NBAS: variants seen among roughly 807,000 people sequenced by gnomAD.
NBAS encodes the protein NAG/BC035112 fusion.
In NBAS, 219 loss-of-function variants were observed where a neutral mutation model predicts 302.5. The observed-to-expected ratio is 0.72, with a 90% CI of 0.65 to 0.81. NBAS has a LOEUF of 0.81. NBAS is among the 30% of genes least tolerant of loss of function. NBAS has a pLI of 0.00. For synonymous variants in NBAS, 1,118 were observed against 1,021.6 expected (o/e 1.09, Z -1.80); for missense variants, 2,932 against 2,841.6 (o/e 1.03, Z -0.72).
At chr2:15,106,529 G>A in the NBAS span, among the ~76,000 whole-genome samples, 1 of 150,954 alleles carries the variant, frequency 6.6e-6, no homozygotes, top group African/African-American at 2.4e-5. Context: ...ACCTGTCAAA[G>A]TTGTATTCAT....
At chr2:15,528,470 TTA>T (rs1242766249) in intron 9 of NBAS, among the ~76,000 whole-genome samples, 8 of 145,256 alleles carry the variant, frequency 5.5e-5, no homozygotes, top group Admixed American at 1.4e-4. Context: ...TTTTTATATA[TTA>T]TATATGTTTA....
At chr2:15,198,667 A>G (rs918958154) in intron 48 of NBAS, among the ~76,000 whole-genome samples, 2 of 152,214 alleles carry the variant, frequency 1.3e-5, no homozygotes, top group African/African-American at 2.4e-5. Context: ...AGTTTTAGCT[A>G]TAATTAAATC....
At position 15,419,356 on chromosome 2, in the gene NBAS, TGTGTAGA is replaced by T. The variant is rs1182317856; in HGVS notation, c.2578-1651_2578-1645del. ...ATATATGTGTGTGTGTGTGTGTGTG[TGTGTAGA>T]AGAATACATTTATTAAAAGTAAAAA... On this transcript the variant is annotated intron_variant, in intron 23 of 51. Coordinates refer to ENST00000281513, the MANE Select transcript of NBAS (RefSeq NM_015909.4). Among the ~76,000 whole-genome samples, 27 of 123,330 alleles carry T rather than the reference TGTGTAGA, an allele frequency of 2.2e-4. 1 individual carries two copies. The highest frequency in any genetic ancestry group is 1.8e-3 in the South Asian group (7 of 3,822). 80.9% of individuals were successfully genotyped at this position (123,330 alleles called of 152,430 possible). A position where few individuals can be genotyped will look rare whatever the true frequency, so the allele number is the denominator to read the frequency against.
At chr2:14,862,644 T>G in the NBAS span, among the ~76,000 whole-genome samples, 1 of 152,222 alleles carries the variant, frequency 6.6e-6, no homozygotes, top group Non-Finnish European at 1.5e-5. Context: ...TTAAATAAGA[T>G]AGCACATGTA....
the NBAS span, among the ~76,000 whole-genome samples, chr2:15,102,791 A>G: frequency 2.0e-5 from 3 of 152,294 alleles, no homozygotes; most frequent in South Asian, 2.1e-4. Context: ...ACTAATTAGT[A>G]TCTTCATATC....
chr2:14,992,172 CT>C, the NBAS span, among the ~76,000 whole-genome samples: 2 of 152,186 alleles, frequency 1.3e-5, no homozygotes, highest in Non-Finnish European at 2.9e-5. Flanking sequence ...GCTCTAAAAA[CT>C]GTAAATCATT....
At chr2:15,074,059 T>C in the NBAS span, among the ~76,000 whole-genome samples, 1 of 152,146 alleles carries the variant, frequency 6.6e-6, no homozygotes, top group Non-Finnish European at 1.5e-5. Context: ...TATGAAAATA[T>C]GTTATAAAGT....
At chr2:15,178,294 T>C in intron 51 of NBAS, 1 of 331,026 alleles carries the variant, frequency 3.0e-6, no homozygotes, top group Non-Finnish European at 6.1e-6. Flanking sequence ...ATACATACAC[T>C]TCAAATGAAA....
rs1236066310 is a variant in NBAS, at chr2:15,383,387, C to T, written c.3258-70G>A. ...ATTAAAATCTCTTTCTTCAAATGAT[C>T]TAAAGTTAAAAAAACAAAAACTGGT... is the stretch of plus-strand genomic sequence containing the variant. On this transcript the variant is annotated intron_variant, in intron 28 of 51. Transcript: ENST00000281513. The T allele has an allele frequency of 3.3e-6, 5 of 1,495,126 alleles. No homozygotes were observed. In the East Asian group the frequency reaches 6.8e-5, roughly 20 times the overall value. 92.6% of individuals were successfully genotyped at this position (1,495,126 alleles called of 1,614,324 possible).
At chr2:15,282,161 A>G (rs897735637) in intron 42 of NBAS, among the ~76,000 whole-genome samples, 3 of 152,142 alleles carry the variant, frequency 2.0e-5, no homozygotes, top group African/African-American at 7.2e-5. Flanking sequence ...GTCATGACAT[A>G]CTTTTGATCA....
chr2:15,512,795 C>A lies in NBAS; in HGVS notation c.747-1445G>T, dbSNP rs143789672. On this transcript the variant is annotated intron_variant, in intron 9 of 51. Transcript: ENST00000281513. ...GCCCTGAGGATATGTTTGATTTTAGCCCAGTGAGACCCATTTCAGACTTCT... is the reference window on the plus strand; with the variant it reads ...GCCCTGAGGATATGTTTGATTTTAGACCAGTGAGACCCATTTCAGACTTCT... Among the ~76,000 whole-genome samples, 14 of 152,230 alleles carry A rather than the reference C, an allele frequency of 9.2e-5. No individual in the cohort carries two copies. In the East Asian group the frequency reaches 2.3e-3, roughly 25 times the overall value.
chr2:15,278,828 T>A (rs561124653), intron 42 of NBAS, among the ~76,000 whole-genome samples: 66 of 152,224 alleles, frequency 4.3e-4, no homozygotes, highest in Non-Finnish European at 8.4e-4. Flanking sequence ...TAGAAATCAA[T>A]GATAATGGAA....
the NBAS span, among the ~76,000 whole-genome samples, chr2:14,825,823 G>A: frequency 4.9e-4 from 75 of 152,316 alleles, 1 homozygote; most frequent in Admixed American, 1.4e-3. Context: ...AATAAGGCAG[G>A]AACTAGGCTG....
At chr2:15,155,937 G>A in the NBAS span, among the ~76,000 whole-genome samples, 96 of 152,298 alleles carry the variant, frequency 6.3e-4, no homozygotes, top group East Asian at 0.015. Flanking sequence ...GAAGGCTTAT[G>A]CTTCACAATG....
chr2:15,406,710 A>G (rs1242438443), intron 25 of NBAS, among the ~76,000 whole-genome samples: 2 of 152,196 alleles, frequency 1.3e-5, no homozygotes, highest in African/African-American at 4.8e-5. Context: ...GGTACAAAGG[A>G]ACAAAAACCC....
intron 29 of NBAS, 54 bp downstream of exon 29, chr2:15,383,161 A>G (rs1675122495): frequency 2.8e-6 from 4 of 1,421,632 alleles, no homozygotes; most frequent in Admixed American, 1.8e-5. Flanking sequence ...CCAATAAACC[A>G]TAACAATTAA....
intron 47 of NBAS, among the ~76,000 whole-genome samples, chr2:15,227,712 G>T (rs761944651): frequency 9.0e-4 from 137 of 152,146 alleles, no homozygotes; most frequent in Non-Finnish European, 1.6e-3. Flanking sequence ...TTTGACAAAG[G>T]CTCCAAGAAC....
At chr2:15,074,256 A>G in the NBAS span, among the ~76,000 whole-genome samples, 2 of 152,176 alleles carry the variant, frequency 1.3e-5, no homozygotes, top group South Asian at 4.1e-4. Context: ...ATTTGATAAA[A>G]CTAAACTGGA....
the NBAS span, among the ~76,000 whole-genome samples, chr2:15,154,563 A>G: frequency 6.6e-6 from 1 of 152,196 alleles, no homozygotes; most frequent in Non-Finnish European, 1.5e-5. Context: ...ACATTCTTGC[A>G]TGATTCAACT....
Sources: gnomAD v4.1 joint callset for allele counts (sites outside exome capture counted in the v4.1 genomes callset) on GRCh38, gnomAD v4.1.1 for gene constraint, MANE v1.5 for transcripts, NCBI Gene and HGNC (gene_info 2026-07-23, HGNC 2026-07-21) for gene names.